The following AKAP13 variants were observed in gnomAD, a reference collection of about 807,000 sequenced individuals.
AKAP13 encodes A-kinase anchoring protein 13.
In AKAP13, 80 loss-of-function variants were observed where a neutral mutation model predicts 264.5. The observed-to-expected ratio is 0.30, with a 90% CI of 0.25 to 0.36. AKAP13 has a LOEUF of 0.36. Among genes scored for constraint, AKAP13 ranks in the 10% least tolerant of loss-of-function variants. The pLI is 1.00. For missense variants in AKAP13, 3,712 were observed against 3,435.2 expected (o/e 1.08, Z -2.01); for synonymous variants, 1,380 against 1,250.2 (o/e 1.10, Z -2.19).
At chr15:85,510,316 A>G (rs922759502) in intron 2 of AKAP13, among the ~76,000 whole-genome samples, 1 of 152,170 alleles carries the variant, frequency 6.6e-6, no homozygotes, top group Non-Finnish European at 1.5e-5. Flanking sequence ...CATATTCTTC[A>G]AGGTAGAGTT....
At chr15:85,455,202 TATTTGATC>T (rs1200211592) in intron 1 of AKAP13, among the ~76,000 whole-genome samples, 4 of 152,228 alleles carry the variant, frequency 2.6e-5, no homozygotes, top group African/African-American at 9.7e-5. Flanking sequence ...ATGGTCTGTA[TATTTGATC>T]ATTTGATCAT....
intron 1 of AKAP13, among the ~76,000 whole-genome samples, chr15:85,444,055 C>T (rs1446829427): frequency 1.3e-5 from 2 of 152,138 alleles, no homozygotes; most frequent in African/African-American, 4.8e-5. Context: ...CCTAGTGATT[C>T]GGGCTAAGGC....
intron 19 of AKAP13, among the ~76,000 whole-genome samples, chr15:85,712,662 GC>G (rs532061150): frequency 2.1e-3 from 318 of 152,062 alleles, no homozygotes; most frequent in African/African-American, 7.4e-3. Context: ...TCCTGCCTCA[GC>G]CTCCCAAGTA....
At chr15:85,611,151 C>T (rs886370089) in intron 8 of AKAP13, among the ~76,000 whole-genome samples, 12 of 152,192 alleles carry the variant, frequency 7.9e-5, no homozygotes, top group African/African-American at 2.4e-4. Context: ...TACAGCATTT[C>T]GCACTGTTTA....
intron 19 of AKAP13, 121 bp from the exon 20 acceptor site, chr15:85,715,667 A>C (rs1395568644): frequency 1.6e-6 from 2 of 1,236,092 alleles, no homozygotes; most frequent in Non-Finnish European, 2.2e-6. Context: ...TTTTATATAA[A>C]CTTACAGTTC....
intron 10 of AKAP13, among the ~76,000 whole-genome samples, chr15:85,655,097 C>G (rs1270666727): frequency 6.6e-6 from 1 of 151,962 alleles, no homozygotes; most frequent in African/African-American, 2.4e-5. Flanking sequence ...GAGGCCGAGG[C>G]AGGATAATCT....
chr15:85,664,949 C>T (rs2083508488), intron 13 of AKAP13, among the ~76,000 whole-genome samples, 194 bp downstream of exon 13: 1 of 152,026 alleles, frequency 6.6e-6, no homozygotes, highest in Admixed American at 6.6e-5. Context: ...GCCTATAATC[C>T]CAGTGCTTTG....
chr15:85,444,192 C>G (rs1201024530), intron 1 of AKAP13, among the ~76,000 whole-genome samples: 3 of 152,138 alleles, frequency 2.0e-5, no homozygotes, highest in East Asian at 3.8e-4. Flanking sequence ...TCCACTCGAG[C>G]CAGCTACTTG....
intron 1 of AKAP13, among the ~76,000 whole-genome samples, chr15:85,422,090 G>A (rs553020527): frequency 6.6e-6 from 1 of 152,202 alleles, no homozygotes; most frequent in South Asian, 2.1e-4. Context: ...CTCTTGGCAG[G>A]GATTTATCCA....
Position 85,682,191 on chromosome 15 carries a change from C to A in AKAP13, c.5135C>A (p.Thr1712Asn). Residue 1712 changes from threonine (T) to asparagine (N), a missense_variant, in exon 15 of 37, where the codon ACC becomes AAC. This residue lies in a region of AKAP13 where 2,759 missense variants were observed against 2,411.7 expected (regional missense o/e 1.14). Coordinates refer to ENST00000394518, the MANE Select transcript of AKAP13 (RefSeq NM_007200.5). The part of the protein sequence containing the change: ...SRPFHSTFHN[T>N]SANLTESITE... ...CCCTTCCACAGTACCTTCCACAATA[C>A]CAGTGCTAATCTGACTGAGAGGTAC... is the stretch of plus-strand genomic sequence containing the variant. 6.2e-7 allele frequency: 1 copy of A among 1,613,478 alleles called. No homozygotes were observed. The highest frequency in any genetic ancestry group is 8.5e-7 in the Non-Finnish European group (1 of 1,179,904).
intron 36 of AKAP13, 188 bp downstream of exon 36, chr15:85,744,013 G>C (rs1345465142): frequency 1.3e-5 from 8 of 637,984 alleles, no homozygotes; most frequent in Non-Finnish European, 2.1e-5. Context: ...AACCCACTCT[G>C]TGTGGCACGT....
At chr15:85,483,707 A>T (rs1310961097) in intron 1 of AKAP13, among the ~76,000 whole-genome samples, 5 of 149,566 alleles carry the variant, frequency 3.3e-5, no homozygotes, top group African/African-American at 4.9e-5. Context: ...GCTACTCGAG[A>T]GGCTGAGGCA....
chr15:85,419,422 G>A (rs1391587575), intron 1 of AKAP13, among the ~76,000 whole-genome samples: 1 of 152,284 alleles, frequency 6.6e-6, no homozygotes, highest in Non-Finnish European at 1.5e-5. Flanking sequence ...TACAAGTAAC[G>A]TGGCCGCTGA....
chr15:85,655,852 GTAT>G (rs1361578034), intron 11 of AKAP13, 65 bp downstream of exon 11: 1 of 1,520,014 alleles, frequency 6.6e-7, no homozygotes, highest in Non-Finnish European at 8.8e-7. Context: ...CTTCTGATTT[GTAT>G]TATTGTTGGT....
chr15:85,654,753 G>A (rs2083020836), intron 10 of AKAP13, among the ~76,000 whole-genome samples: 1 of 152,094 alleles, frequency 6.6e-6, no homozygotes, highest in South Asian at 2.1e-4. Context: ...GGGCCCAGGA[G>A]GTCAAGGCTG....
At chr15:85,711,055 G>T in intron 19 of AKAP13, among the ~76,000 whole-genome samples, 1 of 150,208 alleles carries the variant, frequency 6.7e-6, no homozygotes, top group South Asian at 2.1e-4. Context: ...TCTCTCTGTC[G>T]CCCAGGCTGG....
In AKAP13 at chr15:85,731,487, CCA is replaced by C. The variant is rs563303181; in HGVS notation, c.7282+783_7282+784del. 1.1e-3 allele frequency among the ~76,000 whole-genome samples: 174 copies of C among 152,000 alleles called. 1 individual carries two copies. Among genetic ancestry groups the C allele is most frequent in the Middle Eastern group, 6.8e-3 (2 of 294 alleles). ...TGAGCTTTTTGACTTAGAGAGTTTC[CCA>C]CAGTTTGGATTTTATTCATACAGTC... On this transcript the variant is annotated intron_variant, in intron 30 of 36. Transcript: ENST00000394518.
intron 17 of AKAP13, among the ~76,000 whole-genome samples, chr15:85,695,523 T>C (rs2151645602): frequency 6.6e-6 from 1 of 152,340 alleles, no homozygotes; most frequent in African/African-American, 2.4e-5. Flanking sequence ...ACACAGCCTG[T>C]CTAATCTGTG....
In AKAP13 at chr15:85,724,951, T is replaced by C. The variant is rs1285180806; in HGVS notation, c.6746-1459T>C. On this transcript the variant is annotated intron_variant, in intron 26 of 36. Coordinates refer to ENST00000394518, the MANE Select transcript of AKAP13 (RefSeq NM_007200.5). This position sits in a 1 kb window ranked among gnomAD's most constrained non-coding sequence, Gnocchi z 4.2. ...AGGCTCCTTCCCTCCAGTCTTAATATTCCATGATGTTCTGAGAGCCCTAGC... is the reference window on the plus strand; with the variant it reads ...AGGCTCCTTCCCTCCAGTCTTAATACTCCATGATGTTCTGAGAGCCCTAGC... Among the ~76,000 whole-genome samples the C allele has an allele frequency of 2.6e-5, 4 of 152,200 alleles. No homozygotes were observed. Among genetic ancestry groups the C allele is most frequent in the Admixed American group, 2.6e-4 (4 of 15,280 alleles).
Sources: gnomAD v4.1 joint callset for allele counts (sites outside exome capture counted in the v4.1 genomes callset) on GRCh38, gnomAD v4.1.1 for gene constraint, gnomAD v4.1.1 regional missense constraint, Gnocchi (gnomAD v3.1) non-coding constraint, MANE v1.5 for transcripts, NCBI Gene and HGNC (gene_info 2026-07-23, HGNC 2026-07-21) for gene names.